TMEM132B: variants seen among roughly 807,000 people sequenced by gnomAD.
TMEM132B encodes transmembrane protein 132B.
TMEM132B carries 18 observed loss-of-function variants against 90.8 expected under a neutral mutation model. The ratio of observed to expected loss-of-function variants is 0.20; its 90% CI spans 0.14 to 0.29. The LOEUF (loss-of-function observed/expected upper bound fraction) is 0.29, where lower values mean the gene tolerates loss of function less well. Among genes scored for constraint, TMEM132B ranks in the 10% least tolerant of loss-of-function variants. TMEM132B has a pLI of 1.00. For missense variants in TMEM132B, 1,096 were observed against 1,326.8 expected, an observed-to-expected ratio of 0.83 and a Z score of 2.70; for synonymous variants, 504 against 523.3, an observed-to-expected ratio of 0.96 and a Z score of 0.50.
intron 5 of TMEM132B, among the ~76,000 whole-genome samples, chr12:125,640,626 G>A (rs1440992201): frequency 1.3e-5 from 2 of 152,130 alleles, no homozygotes; most frequent in African/African-American, 4.8e-5. Context: ...AGAGGACAGA[G>A]GTGATCCAAG....
chr12:125,239,815 G>A (rs759166231), intron 1 of TMEM132B, among the ~76,000 whole-genome samples: 1 of 152,246 alleles, frequency 6.6e-6, no homozygotes, highest in Non-Finnish European at 1.5e-5. Flanking sequence ...TGGTTTGTTG[G>A]GGGGAAGTGG....
chr12:125,622,678 G>A, intron 5 of TMEM132B: 1 of 985,204 alleles, frequency 1.0e-6, no homozygotes, highest in Non-Finnish European at 1.2e-6. Context: ...CAGATCTGAA[G>A]CTCTGCCATG....
chr12:125,431,360 G>A (rs530986755), intron 3 of TMEM132B, among the ~76,000 whole-genome samples: 1 of 152,194 alleles, frequency 6.6e-6, no homozygotes, highest in Admixed American at 6.5e-5. Flanking sequence ...GTAAGCAAAT[G>A]ATGGCAAACA....
chr12:125,603,599 A>G (rs1944133641), intron 5 of TMEM132B, among the ~76,000 whole-genome samples: 1 of 152,230 alleles, frequency 6.6e-6, no homozygotes, highest in African/African-American at 2.4e-5. Context: ...AAATTGACAA[A>G]TGGGATCCAA....
intron 3 of TMEM132B, among the ~76,000 whole-genome samples, chr12:125,481,020 C>T (rs1020142580): frequency 6.6e-6 from 1 of 152,164 alleles, no homozygotes; most frequent in African/African-American, 2.4e-5. Flanking sequence ...ACATGATTAT[C>T]TCAATAGACA....
Position 125,549,357 on chromosome 12 carries a change from A to T in TMEM132B, c.1293+29732A>T, listed in dbSNP as rs115492737. ...CTCTAGAAAACAGCCTCCCTTTCAG[A>T]TCCTGCTGTGTGAGCTAAGGGGATC... On this transcript the variant is annotated intron_variant, in intron 4 of 8. Transcript: ENST00000682704. 2.3e-3 allele frequency among the ~76,000 whole-genome samples: 348 copies of T among 152,322 alleles called. 1 individual carries two copies. Among genetic ancestry groups the T allele is most frequent in the African/African-American group, 7.9e-3 (330 of 41,564 alleles).
chr12:125,201,277 G>A (rs550757968), intron 1 of TMEM132B, among the ~76,000 whole-genome samples: 2 of 152,144 alleles, frequency 1.3e-5, no homozygotes, highest in Non-Finnish European at 2.9e-5. Flanking sequence ...TGATCAATTT[G>A]CCTGTCATCT....
chr12:125,505,179 A>AC (rs1555254100), intron 3 of TMEM132B, among the ~76,000 whole-genome samples: 40 of 140,876 alleles, frequency 2.8e-4, no homozygotes, highest in South Asian at 1.4e-3. Flanking sequence ...AAAAAAAAAA[A>AC]AAAAAAAAAA....
intron 3 of TMEM132B, among the ~76,000 whole-genome samples, chr12:125,516,964 G>A (rs1352583745): frequency 2.0e-5 from 3 of 152,226 alleles, no homozygotes; most frequent in Admixed American, 6.5e-5. Flanking sequence ...TATGGTTGAT[G>A]GGAAATGGCA....
rs1876369474 is a variant in TMEM132B at position 125,319,373 on chromosome 12, A to C, written c.68-30079A>C. 2.6e-5 allele frequency among the ~76,000 whole-genome samples: 4 copies of C among 152,230 alleles called. No homozygotes were observed. The South Asian group carries it at 8.3e-4, about 32-fold the overall frequency. The stretch of plus-strand genomic sequence containing the variant: ...AGAAGTAACGAGAACTTGGCTTTCC[A>C]GTATGGGTCCCAACGCCTCCACATT... On this transcript the variant is annotated intron_variant, in intron 1 of 8. Transcript: ENST00000682704.
intron 5 of TMEM132B, chr12:125,585,276 G>A (rs930997497): frequency 6.6e-6 from 1 of 152,166 alleles, no homozygotes. Context: ...TGCACACATA[G>A]CCCTGCCTGG....
At chr12:125,240,599 G>A (rs555076554) in intron 1 of TMEM132B, among the ~76,000 whole-genome samples, 203 of 152,262 alleles carry the variant, frequency 1.3e-3, no homozygotes, top group Non-Finnish European at 1.9e-3. Flanking sequence ...CTTGGTTCAA[G>A]CAGAAGTTTT....
At chr12:125,226,481 A>G (rs918913362) in intron 1 of TMEM132B, among the ~76,000 whole-genome samples, 12 of 152,320 alleles carry the variant, frequency 7.9e-5, no homozygotes, top group Non-Finnish European at 1.8e-4. Context: ...TGTCTGTCCC[A>G]TTTTGTAGAT....
intron 1 of TMEM132B, among the ~76,000 whole-genome samples, chr12:125,309,288 T>C (rs1876068067): frequency 6.6e-6 from 1 of 152,258 alleles, no homozygotes; most frequent in Non-Finnish European, 1.5e-5. Flanking sequence ...AATATCACTT[T>C]ATCTGCCTTC....
chr12:125,459,504 A>T lies in TMEM132B; in HGVS notation c.1106+43827A>T, dbSNP rs1017898503. On this transcript the variant is annotated intron_variant, in intron 3 of 8. Transcript: ENST00000682704. The surrounding 1 kb of genome is among the most constrained non-coding windows in gnomAD (Gnocchi z 4.1). ...AATCATGGACATAGAGAGTAAAAGG[A>T]TGGTTACCAGAAGCTGGAAGGGTAG... Among the ~76,000 whole-genome samples the T allele has an allele frequency of 6.6e-6, 1 of 152,206 alleles. No individual in the cohort carries two copies. The highest frequency in any genetic ancestry group is 2.4e-5 in the African/African-American group (1 of 41,444).
chr12:125,282,824 G>T (rs1875236009), intron 1 of TMEM132B, among the ~76,000 whole-genome samples: 2 of 152,126 alleles, frequency 1.3e-5, no homozygotes, highest in Non-Finnish European at 2.9e-5. Flanking sequence ...TGAGCTCTGG[G>T]TGCATAGTAA....
At chr12:125,521,223 CTTCTCTTCCTCT>C (rs1307786649) in intron 4 of TMEM132B, among the ~76,000 whole-genome samples, 4 of 152,126 alleles carry the variant, frequency 2.6e-5, no homozygotes, top group Non-Finnish European at 5.9e-5. Flanking sequence ...CTCCTTCCTC[CTTCTCTTCCTCT>C]TCCTTCACTT....
chr12:125,359,803 G>A lies in TMEM132B; in HGVS notation c.959+9460G>A, dbSNP rs374097840. On this transcript the variant is annotated intron_variant, in intron 2 of 8. Transcript: ENST00000682704. ...ATACTTTAAAAACAAAACAAGGCCA[G>A]GTGCAGTGGTTCACGCCTGTAATCC... Among the ~76,000 whole-genome samples the A allele has an allele frequency of 2.6e-5, 4 of 152,364 alleles. No homozygotes were observed. In the East Asian group the frequency reaches 7.7e-4, roughly 29 times the overall value.
At chr12:125,342,320 C>T (rs544638374) in intron 1 of TMEM132B, among the ~76,000 whole-genome samples, 1 of 152,316 alleles carries the variant, frequency 6.6e-6, no homozygotes, top group Non-Finnish European at 1.5e-5. Context: ...AGCCAGTTTT[C>T]CAGGATTCCT....
Sources: allele counts gnomAD v4.1 joint callset (sites outside exome capture counted in the v4.1 genomes callset), GRCh38; gene constraint gnomAD v4.1.1; non-coding constraint Gnocchi (gnomAD v3.1); transcripts MANE v1.5; gene names NCBI Gene and HGNC (gene_info 2026-07-23, HGNC 2026-07-21).